Variants in SDC1 observed in about 807,000 individuals in gnomAD.
SDC1 encodes the protein syndecan 1, also known as syndecan-1.
A neutral mutation model predicts 29.7 loss-of-function variants in SDC1; 14 were observed. The observed-to-expected ratio is 0.47, with a 90% CI of 0.31 to 0.74. The LOEUF (loss-of-function observed/expected upper bound fraction) is 0.74, where lower values mean the gene tolerates loss of function less well. SDC1 is among the 30% of genes least tolerant of loss of function. The pLI is 0.05. For synonymous variants in SDC1, 204 were observed against 175.5 expected (o/e 1.16, Z -1.29); for missense variants, 406 against 400.3 (o/e 1.01, Z -0.12).
rs1048007088 is a variant in SDC1, at chr2:20,206,290, C to T, written c.67-866G>A. On this transcript the variant is annotated intron_variant, in intron 1 of 4. Coordinates refer to ENST00000254351, the MANE Select transcript of SDC1 (RefSeq NM_002997.5). ...CCAGGAATGCTGCCCGCCTGCCCAG[C>T]TCCAAGAGGCAAAGGGGCCAGAGGG... Among the ~76,000 whole-genome samples, 14 of 152,248 alleles carry T rather than the reference C, an allele frequency of 9.2e-5. 1 individual carries two copies. The highest frequency in any genetic ancestry group is 7.2e-4 in the Admixed American group (11 of 15,286).
chr2:20,213,173 C>T (rs377732174), intron 1 of SDC1, among the ~76,000 whole-genome samples: 14 of 152,196 alleles, frequency 9.2e-5, no homozygotes, highest in African/African-American at 2.2e-4. Context: ...ACAGAGCTGG[C>T]GCCTGCCTCA....
chr2:20,206,742 T>C (rs1677284003), intron 1 of SDC1, among the ~76,000 whole-genome samples: 1 of 152,250 alleles, frequency 6.6e-6, no homozygotes, highest in African/African-American at 2.4e-5. Context: ...AAACTGCTTA[T>C]GGCTTCTGTC....
At position 20,202,951 on chromosome 2, in the gene SDC1, G is replaced by A. The variant is rs750137809; in HGVS notation, c.764-16C>T. ...GCAATGACCCCTAGGGCAGGTAGAC[G>A]GGGCCAGCTCAGCTCAGCGGCTCCT... On this transcript the variant is annotated splice_polypyrimidine_tract_variant and intron_variant, in intron 4 of 4. Transcript: ENST00000254351. The A allele has an allele frequency of 2.0e-5, 32 of 1,599,564 alleles. 1 individual carries two copies. The East Asian group carries it at 2.2e-4, about 11-fold the overall frequency.
chr2:20,204,568 A>C (rs1005753312), intron 2 of SDC1, among the ~76,000 whole-genome samples: 1 of 151,908 alleles, frequency 6.6e-6, no homozygotes, highest in African/African-American at 2.4e-5. Context: ...TTCTGTGACC[A>C]CAGGGGTGGG....
In SDC1 at chr2:20,205,335, A is replaced by C; in HGVS notation, c.148+8T>G. On this transcript the variant is annotated splice_region_variant and intron_variant, in intron 2 of 4. Transcript: ENST00000254351. The stretch of plus-strand genomic sequence containing the variant: ...CTTGGGTGGGGGGGGCCCCCATGAC[A>C]ACCTCACCTGCACCTGAGCCGGAGA... 6.2e-7 allele frequency: 1 copy of C among 1,613,040 alleles called. No individual in the cohort carries two copies. The highest frequency in any genetic ancestry group is 1.1e-5 in the South Asian group (1 of 91,016).
Position 20,224,781 on chromosome 2 carries a change from C to A in SDC1, c.66+21G>T. 1 of 1,307,192 alleles carries A rather than the reference C, an allele frequency of 7.6e-7. No homozygotes were observed. The highest frequency in any genetic ancestry group is 2.1e-5 in the South Asian group (1 of 47,004). The allele number at this position is 1,307,192 out of a possible 1,614,324, so 81.0% of individuals were successfully genotyped here. ...TCCCGGCTTCCCGCCGCCTCCCCGC[C>A]TGGCCGCCGGCCGCACTCACCGGCA... On this transcript the variant is annotated intron_variant, in intron 1 of 4. Coordinates refer to ENST00000254351, the MANE Select transcript of SDC1 (RefSeq NM_002997.5). This position sits in a 1 kb window ranked among gnomAD's most constrained non-coding sequence, Gnocchi z 4.9.
At position 20,202,389 on chromosome 2, in the gene SDC1, C is replaced by A. The variant is rs546171996; in HGVS notation, c.*377G>T. 611 of 708,678 alleles carry A rather than the reference C, an allele frequency of 8.6e-4. 6 individuals are homozygous for A. Among genetic ancestry groups the A allele is most frequent in the South Asian group, 7.3e-3 (466 of 63,928 alleles). The allele number at this position is 708,678 out of a possible 1,614,324, so 43.9% of individuals were successfully genotyped here. On this transcript the variant is annotated 3_prime_UTR_variant, in exon 5 of 5. Coordinates refer to ENST00000254351, the MANE Select transcript of SDC1 (RefSeq NM_002997.5). ...ACAGGTGTGTGAGCCCCAAGCCCCA[C>A]CCGCAGGATCTTCCAGCCACATGAG... is the stretch of plus-strand genomic sequence containing the variant.
intron 1 of SDC1, chr2:20,207,243 C>A (rs1429290389): frequency 5.3e-6 from 1 of 190,220 alleles, no homozygotes; most frequent in Non-Finnish European, 9.7e-6. Flanking sequence ...ACCACAAGGT[C>A]AGAAATAACA....
At chr2:20,221,942 G>GA (rs931099799) in intron 1 of SDC1, among the ~76,000 whole-genome samples, 2 of 152,170 alleles carry the variant, frequency 1.3e-5, no homozygotes, top group Admixed American at 1.3e-4. Flanking sequence ...CAGGCTGTGG[G>GA]AAAATGTCTC....
In SDC1 at chr2:20,202,940, G is replaced by A. The variant is rs1361851378; in HGVS notation, c.764-5C>T. The A allele has an allele frequency of 1.2e-6, 2 of 1,604,288 alleles. No individual in the cohort carries two copies. Among genetic ancestry groups the A allele is most frequent in the Non-Finnish European group, 1.7e-6 (2 of 1,173,832 alleles). On this transcript the variant is annotated splice_region_variant and splice_polypyrimidine_tract_variant and intron_variant, in intron 4 of 4. Coordinates refer to ENST00000254351, the MANE Select transcript of SDC1 (RefSeq NM_002997.5). ...CGAGGCCTCCGGCAATGACCCCTAG[G>A]GCAGGTAGACGGGGCCAGCTCAGCT...
At chr2:20,204,715 TGCAGC>T (rs1677195238) in intron 2 of SDC1, among the ~76,000 whole-genome samples, 1 of 152,096 alleles carries the variant, frequency 6.6e-6, no homozygotes, top group African/African-American at 2.4e-5. Flanking sequence ...TATCCTACCT[TGCAGC>T]TCTCAGGCCT....
intron 1 of SDC1, among the ~76,000 whole-genome samples, chr2:20,212,406 C>A (rs1677493042): frequency 6.6e-6 from 1 of 152,112 alleles, no homozygotes; most frequent in South Asian, 2.1e-4. Flanking sequence ...TGGGCTCCCC[C>A]AGCCTCGGGG....
Position 20,224,953 on chromosome 2 carries a change from T to C in SDC1, c.-86A>G. ...TCGCGGGTTCCGCTGCTCGATGCTC[T>C]CTTGGGCGCCTGCCCAGCGCGCCGC... is the stretch of plus-strand genomic sequence containing the variant. On this transcript the variant is annotated 5_prime_UTR_variant, in exon 1 of 5. Transcript: ENST00000254351. This position sits in a 1 kb window ranked among gnomAD's most constrained non-coding sequence, Gnocchi z 4.9. 1 of 1,192,000 alleles carries C rather than the reference T, an allele frequency of 8.4e-7. No individual in the cohort carries two copies. The highest frequency in any genetic ancestry group is 1.0e-6 in the Non-Finnish European group (1 of 962,390). The allele number at this position is 1,192,000 out of a possible 1,614,324, so 73.8% of individuals were successfully genotyped here. A position where few individuals can be genotyped will look rare whatever the true frequency, so the allele number is the denominator to read the frequency against.
chr2:20,217,802 A>G (rs538702572), intron 1 of SDC1, among the ~76,000 whole-genome samples: 8 of 152,262 alleles, frequency 5.3e-5, no homozygotes, highest in African/African-American at 1.9e-4. Flanking sequence ...CCTGCCCGCC[A>G]CAGCCTTCAT....
intron 1 of SDC1, among the ~76,000 whole-genome samples, chr2:20,211,301 A>G (rs1381082106): frequency 6.6e-6 from 1 of 152,202 alleles, no homozygotes; most frequent in African/African-American, 2.4e-5. Flanking sequence ...GGCATCCCCC[A>G]GAGTGGCCCA....
intron 1 of SDC1, among the ~76,000 whole-genome samples, chr2:20,218,371 G>C (rs965776771): frequency 9.9e-5 from 15 of 152,232 alleles, no homozygotes; most frequent in Non-Finnish European, 2.1e-4. Context: ...AGGCAGAAAG[G>C]AAGCTGGTGT....
rs1372118089 is a variant in SDC1 at position 20,201,404 on chromosome 2, A to G, written c.*1362T>C. 4 of 152,448 alleles carry G rather than the reference A, an allele frequency of 2.6e-5. No homozygotes were observed. Among genetic ancestry groups the G allele is most frequent in the Admixed American group, 2.6e-4 (4 of 15,282 alleles). The allele number at this position is 152,448 out of a possible 1,614,324, so 9.4% of individuals were successfully genotyped here. ...AGACGAAGGCACAGAGATTCGAGCC[A>G]AGTTTCCCAACATGTTGGTGTTTGC... On this transcript the variant is annotated 3_prime_UTR_variant, in exon 5 of 5. Coordinates refer to ENST00000254351, the MANE Select transcript of SDC1 (RefSeq NM_002997.5).
chr2:20,221,590 G>A lies in SDC1; in HGVS notation c.66+3212C>T, dbSNP rs924709822. Among the ~76,000 whole-genome samples, 3 of 152,316 alleles carry A rather than the reference G, an allele frequency of 2.0e-5. No individual in the cohort carries two copies. In the East Asian group the frequency reaches 5.8e-4, roughly 29 times the overall value. ...AGTCATGCCCAGAGTAAGAATACTC[G>A]AGGGTAATAGGGATTCTTAGCTTGA... On this transcript the variant is annotated intron_variant, in intron 1 of 4. Transcript: ENST00000254351.
At chr2:20,217,664 G>A (rs1428548299) in intron 1 of SDC1, among the ~76,000 whole-genome samples, 4 of 152,148 alleles carry the variant, frequency 2.6e-5, no homozygotes, top group Admixed American at 1.3e-4. Flanking sequence ...GCCTCGTGCC[G>A]GCCCCCAGAG....
Sources: allele counts gnomAD v4.1 joint callset (sites outside exome capture counted in the v4.1 genomes callset), GRCh38; gene constraint gnomAD v4.1.1; non-coding constraint Gnocchi (gnomAD v3.1); transcripts MANE v1.5; gene names NCBI Gene and HGNC (gene_info 2026-07-23, HGNC 2026-07-21).